DNMBP: variants seen among roughly 807,000 people sequenced by gnomAD.
DNMBP encodes the protein dynamin-binding protein.
Under a neutral mutation model 150.0 loss-of-function variants are expected in DNMBP, and 87 were observed. That is an observed-to-expected ratio of 0.58 (90% confidence interval 0.49 to 0.69). The LOEUF (loss-of-function observed/expected upper bound fraction) is 0.69, where lower values mean the gene tolerates loss of function less well. Ranked by LOEUF, DNMBP falls within the 30% of genes least tolerant of loss-of-function variation. The probability of loss-of-function intolerance (pLI) is 0.00; values close to 1 mark genes in which losing one functional copy is unlikely to be tolerated. For synonymous variants in DNMBP, 711 were observed against 750.4 expected (o/e 0.95, Z 0.86); for missense variants, 1,774 against 1,949.0 (o/e 0.91, Z 1.69).
Position 99,956,726 on chromosome 10 carries a change from C to T in DNMBP, c.748G>A (p.Ala250Thr), listed in dbSNP as rs368686292. Reference protein sequence around the residue: ...DEEEPGTYGVALYRFQALEPN... With the variant: ...DEEEPGTYGVTLYRFQALEPN... ...TCCAGGGCTTGGAATCTGTACAGGG[C>T]GACCCCATAGGTCCCTGGCTCCTCC... Residue 250 changes from alanine to threonine, a missense_variant, in exon 4 of 17, where the codon GCC (alanine) becomes ACC (threonine). This residue lies in a region of DNMBP where 344 missense variants were observed against 456.6 expected (regional missense o/e 0.75). Coordinates refer to ENST00000324109, the MANE Select transcript of DNMBP (RefSeq NM_015221.4). The T allele has an allele frequency of 1.1e-5, 17 of 1,613,950 alleles. No individual in the cohort carries two copies. Among genetic ancestry groups the T allele is most frequent in the African/African-American group, 6.7e-5 (5 of 74,920 alleles).
At chr10:99,976,345 T>C (rs1370251920) in intron 1 of DNMBP, among the ~76,000 whole-genome samples, 1 of 152,212 alleles carries the variant, frequency 6.6e-6, no homozygotes, top group East Asian at 1.9e-4. Context: ...TAGAAGACCT[T>C]GAACATGACT....
intron 1 of DNMBP, among the ~76,000 whole-genome samples, chr10:100,000,741 G>C (rs886765936): frequency 1.3e-5 from 2 of 151,838 alleles, no homozygotes; most frequent in African/African-American, 2.4e-5. Context: ...GGCACTGTTC[G>C]AGGTGGGCTT....
At position 99,968,789 on chromosome 10, in the gene DNMBP, A is replaced by G. The variant is rs145373056; in HGVS notation, c.268+326T>C. Among the ~76,000 whole-genome samples, 23 of 151,950 alleles carry G rather than the reference A, an allele frequency of 1.5e-4. 1 individual carries two copies. The highest frequency in any genetic ancestry group is 5.2e-4 in the Admixed American group (8 of 15,262). On this transcript the variant is annotated intron_variant, in intron 3 of 16. Coordinates refer to ENST00000324109, the MANE Select transcript of DNMBP (RefSeq NM_015221.4). The stretch of plus-strand genomic sequence containing the variant: ...ACTGGACTTAGAATATGATCAGTTC[A>G]TATTCTGAGGCCAAGACTTCCCACC...
rs575970809 is a variant in DNMBP at position 99,984,612 on chromosome 10, G to A, written c.-10-12478C>T. 2.0e-5 allele frequency among the ~76,000 whole-genome samples: 3 copies of A among 152,324 alleles called. No homozygotes were observed. The South Asian group carries it at 6.2e-4, about 32-fold the overall frequency. On this transcript the variant is annotated intron_variant, in intron 1 of 16. Transcript: ENST00000324109. ...TTAACCCAGTGTTCCAAGTTGTGAG[G>A]ACAAATGTTAGTGAGATCTGCAAGG... is the stretch of plus-strand genomic sequence containing the variant.
intron 1 of DNMBP, among the ~76,000 whole-genome samples, chr10:99,983,141 T>G (rs1387006251): frequency 3.3e-5 from 5 of 152,106 alleles, no homozygotes; most frequent in Non-Finnish European, 2.9e-5. Flanking sequence ...CAGCGGAGGT[T>G]CCTTCAAAAG....
Position 99,955,628 on chromosome 10 carries a change from A to G in DNMBP, c.1846T>C (p.Cys616Arg). ...KALRPPPPRP[C>R]TPVSTSPHLL... ...TGGGGAGAAGTGGATACCGGAGTAC[A>G]GGGACGAGGTGGCGGTGGCCTTAGG... Residue 616 changes from cysteine (C) to arginine (R), a missense_variant, in exon 4 of 17, where the codon TGT becomes CGT. By Grantham distance (180) the Cys-to-Arg change is radical (BLOSUM62 -3). Around this residue, in one of 2 missense-constraint regions of DNMBP, gnomAD observed 1,430 missense variants for 1,492.5 expected, o/e 0.96. Coordinates refer to ENST00000324109, the MANE Select transcript of DNMBP (RefSeq NM_015221.4). 2.5e-6 allele frequency: 4 copies of G among 1,614,238 alleles called. No homozygotes were observed. Among genetic ancestry groups the G allele is most frequent in the Non-Finnish European group, 3.4e-6 (4 of 1,180,040 alleles).
rs1312328005 is a variant in DNMBP, at chr10:99,913,997, G to A, written c.2261-4851C>T. 5 of 1,504,744 alleles carry A rather than the reference G, an allele frequency of 3.3e-6. No individual in the cohort carries two copies. The Admixed American group carries it at 8.7e-5, about 26-fold the overall frequency. 93.2% of individuals were successfully genotyped at this position (1,504,744 alleles called of 1,614,324 possible). A position where few individuals can be genotyped will look rare whatever the true frequency, so the allele number is the denominator to read the frequency against. ...CTGTGTGTGGAGGTGTGGGCCTGAG[G>A]GTAAGCAGGCGGGACAGAATCTTCC... On this transcript the variant is annotated intron_variant, in intron 4 of 16. Transcript: ENST00000324109.
chr10:100,001,851 A>C (rs116026341), intron 1 of DNMBP, among the ~76,000 whole-genome samples: 351 of 152,336 alleles, frequency 2.3e-3, no homozygotes, highest in African/African-American at 8.0e-3. Flanking sequence ...AAGAGACCTC[A>C]AAAGTACTTC....
Position 99,971,906 on chromosome 10 carries a change from A to C in DNMBP, c.145+74T>G, listed in dbSNP as rs958003808. The C allele has an allele frequency of 7.6e-6, 10 of 1,308,078 alleles. No individual in the cohort carries two copies. The African/African-American group carries it at 1.5e-4, about 20-fold the overall frequency. The allele number at this position is 1,308,078 out of a possible 1,614,324, so 81.0% of individuals were successfully genotyped here. On this transcript the variant is annotated intron_variant, in intron 2 of 16. Coordinates refer to ENST00000324109, the MANE Select transcript of DNMBP (RefSeq NM_015221.4). ...GGTCTCACTCTGTTGCCCAGGCTGG[A>C]GTGCAGTGCCAGCCTTTATTTTTAA...
chr10:100,001,413 G>T (rs12261919), intron 1 of DNMBP, among the ~76,000 whole-genome samples: 46,950 of 111,340 alleles, frequency 0.42, 11,468 homozygotes, highest in African/African-American at 0.53. Context: ...TGTTGTTGTT[G>T]TTTTTTTTTT....
intron 1 of DNMBP, among the ~76,000 whole-genome samples, chr10:99,992,523 G>C (rs1026977607): frequency 2.0e-5 from 3 of 149,544 alleles, no homozygotes; most frequent in Non-Finnish European, 4.4e-5. Context: ...CCTGAATCTA[G>C]GAGTTTTTTT....
At chr10:99,892,581 C>T (rs2133215008) in intron 11 of DNMBP, among the ~76,000 whole-genome samples, 1 of 133,056 alleles carries the variant, frequency 7.5e-6, no homozygotes, top group Non-Finnish European at 1.6e-5. Context: ...AGAGTCATCA[C>T]CAATCCCTAA....
chr10:99,954,744 CAAAAAA>C (rs751589220), intron 4 of DNMBP, among the ~76,000 whole-genome samples: 2 of 48,840 alleles, frequency 4.1e-5, no homozygotes, highest in East Asian at 1.4e-3. Context: ...AACTCTGTCT[CAAAAAA>C]AAAAAAAAAA....
intron 4 of DNMBP, among the ~76,000 whole-genome samples, chr10:99,951,347 A>G (rs1302690957): frequency 6.6e-6 from 1 of 152,234 alleles, no homozygotes; most frequent in African/African-American, 2.4e-5. Flanking sequence ...GAGCCTCTAC[A>G]CAGAGTCCCT....
chr10:99,902,747 G>A (rs2039763736), intron 6 of DNMBP, among the ~76,000 whole-genome samples: 1 of 151,180 alleles, frequency 6.6e-6, no homozygotes, highest in Non-Finnish European at 1.5e-5. Flanking sequence ...GGCCAACATG[G>A]CAAAACCCCG....
At chr10:99,893,647 A>C (rs1053362331) in intron 11 of DNMBP, among the ~76,000 whole-genome samples, 2 of 152,202 alleles carry the variant, frequency 1.3e-5, no homozygotes, top group African/African-American at 4.8e-5. Context: ...GAACCACTTG[A>C]ACCCAGGAGG....
chr10:99,902,889 C>A (rs1021272707), intron 6 of DNMBP, among the ~76,000 whole-genome samples: 8 of 150,870 alleles, frequency 5.3e-5, no homozygotes, highest in Admixed American at 4.6e-4. Flanking sequence ...GGTCGTGCCA[C>A]TGCACTCCAG....
chr10:99,933,729 T>C (rs1219101228), intron 4 of DNMBP, among the ~76,000 whole-genome samples: 1 of 152,172 alleles, frequency 6.6e-6, no homozygotes, highest in African/African-American at 2.4e-5. Flanking sequence ...TCACTTGTTG[T>C]TGTTTTTGTT....
At chr10:99,982,797 T>C (rs1450445500) in intron 1 of DNMBP, among the ~76,000 whole-genome samples, 2 of 151,784 alleles carry the variant, frequency 1.3e-5, no homozygotes, top group Non-Finnish European at 2.9e-5. Context: ...TACAAAAATA[T>C]AAAAATTAGC....
Sources: gnomAD v4.1 joint callset for allele counts (sites outside exome capture counted in the v4.1 genomes callset) on GRCh38, gnomAD v4.1.1 for gene constraint, gnomAD v4.1.1 regional missense constraint, MANE v1.5 for transcripts, NCBI Gene and HGNC (gene_info 2026-07-23, HGNC 2026-07-21) for gene names.